UBE2D2: variants seen among roughly 807,000 people sequenced by gnomAD.
UBE2D2 encodes ubiquitin-conjugating enzyme E2 D2.
UBE2D2 carries 2 observed loss-of-function variants against 24.2 expected under a neutral mutation model. That is an observed-to-expected ratio of 0.08 (90% CI 0.03 to 0.26). The LOEUF (loss-of-function observed/expected upper bound fraction) is 0.26. Ranked by LOEUF, UBE2D2 falls within the 10% of genes least tolerant of loss-of-function variation. The pLI, the probability that UBE2D2 is intolerant of heterozygous loss-of-function variation, is 1.00. For synonymous variants in UBE2D2, 58 were observed against 56.5 expected (o/e 1.03, Z -0.12); for missense variants, 44 against 177.6 (o/e 0.25, Z 4.28).
chr5:139,536,835 A>G (rs1752687472), intron 1 of UBE2D2, among the ~76,000 whole-genome samples: 1 of 152,064 alleles, frequency 6.6e-6, no homozygotes, highest in Non-Finnish European at 1.5e-5. Context: ...CCAAGATATC[A>G]TTTCATCTGT....
At chr5:139,621,072 C>A (rs1463982637) in intron 5 of UBE2D2, among the ~76,000 whole-genome samples, 9 of 152,130 alleles carry the variant, frequency 5.9e-5, no homozygotes, top group Admixed American at 5.9e-4. Flanking sequence ...TGGCAAAACC[C>A]AACCTCTACA....
intron 1 of UBE2D2, among the ~76,000 whole-genome samples, chr5:139,580,612 A>G (rs1044152246): frequency 2.0e-5 from 3 of 151,902 alleles, no homozygotes; most frequent in Non-Finnish European, 4.4e-5. Flanking sequence ...ACACCCGGCT[A>G]ATTTCTTGTA....
At chr5:139,595,081 C>G (rs998022557) in intron 1 of UBE2D2, among the ~76,000 whole-genome samples, 6 of 152,188 alleles carry the variant, frequency 3.9e-5, no homozygotes, top group Admixed American at 2.6e-4. Context: ...GTATTTGACC[C>G]ACAATTGGTG....
rs1178526305 is a variant in UBE2D2 at position 139,627,851 on chromosome 5, T to G, written c.*1050T>G. On this transcript the variant is annotated 3_prime_UTR_variant, in exon 7 of 7. Coordinates refer to ENST00000398733, the MANE Select transcript of UBE2D2 (RefSeq NM_003339.3). ...TAAAAAGGATATCTTACGAGTAATT[T>G]TATTGAACAAGTTAGAGGCATAAGC... is the stretch of plus-strand genomic sequence containing the variant. 1.3e-5 allele frequency: 2 copies of G among 152,676 alleles called. No homozygotes were observed. The highest frequency in any genetic ancestry group is 2.4e-5 in the African/African-American group (1 of 41,474). The allele number at this position is 152,676 out of a possible 1,614,324, so 9.5% of individuals were successfully genotyped here.
chr5:139,603,949 C>CA (rs954438317), intron 2 of UBE2D2, among the ~76,000 whole-genome samples: 6 of 151,320 alleles, frequency 4.0e-5, no homozygotes, highest in African/African-American at 7.3e-5. Flanking sequence ...AACTCCGTCT[C>CA]AAAAAAACAA....
At chr5:139,583,992 TAAG>T (rs1561510912) in intron 1 of UBE2D2, among the ~76,000 whole-genome samples, 1 of 152,112 alleles carries the variant, frequency 6.6e-6, no homozygotes, top group African/African-American at 2.4e-5. Context: ...AAAAAAATAA[TAAG>T]TTTATTATAG....
intron 1 of UBE2D2, among the ~76,000 whole-genome samples, chr5:139,546,530 T>C (rs1338828346): frequency 6.6e-6 from 1 of 151,818 alleles, no homozygotes; most frequent in African/African-American, 2.4e-5. Context: ...TCACCCAGCC[T>C]GGAGTACAGT....
chr5:139,555,367 GA>G (rs1752967045), intron 1 of UBE2D2, among the ~76,000 whole-genome samples: 1 of 151,784 alleles, frequency 6.6e-6, no homozygotes, highest in African/African-American at 2.4e-5. Flanking sequence ...GATGATTAAT[GA>G]ATTCCAAATA....
intron 1 of UBE2D2, among the ~76,000 whole-genome samples, chr5:139,566,031 CTT>C (rs397882200): frequency 2.1e-4 from 29 of 139,222 alleles, no homozygotes; most frequent in Non-Finnish European, 2.7e-4. Flanking sequence ...TTTTTTCTTT[CTT>C]TTTTTTTTTT....
intron 1 of UBE2D2, among the ~76,000 whole-genome samples, chr5:139,598,919 C>CTTTTTTT (rs36027909): frequency 1.3e-5 from 1 of 76,208 alleles, no homozygotes; most frequent in Non-Finnish European, 2.3e-5. Context: ...AAATATATTC[C>CTTTTTTT]TTTTTTTTTT....
At chr5:139,541,133 A>G (rs187542754) in intron 1 of UBE2D2, among the ~76,000 whole-genome samples, 2 of 151,988 alleles carry the variant, frequency 1.3e-5, no homozygotes, top group East Asian at 3.9e-4. Flanking sequence ...CACTGTCTCT[A>G]CTAAAAATAC....
chr5:139,553,703 T>G (rs1176201364), intron 1 of UBE2D2, among the ~76,000 whole-genome samples: 1 of 152,154 alleles, frequency 6.6e-6, no homozygotes, highest in African/African-American at 2.4e-5. Context: ...CTTTAAAAAT[T>G]TATAATATTG....
At chr5:139,537,423 G>A (rs181300300) in intron 1 of UBE2D2, among the ~76,000 whole-genome samples, 298 of 152,030 alleles carry the variant, frequency 2.0e-3, no homozygotes, top group Non-Finnish European at 3.2e-3. Context: ...CGATTCAATC[G>A]ATTTTAGTAT....
At chr5:139,564,300 C>T (rs1335217415) in intron 1 of UBE2D2, among the ~76,000 whole-genome samples, 2 of 151,920 alleles carry the variant, frequency 1.3e-5, no homozygotes, top group South Asian at 2.1e-4. Context: ...ATTACAGGCA[C>T]GCACCACCAC....
chr5:139,556,488 G>T (rs1233189550), upstream of UBE2D2, among the ~76,000 whole-genome samples: 2 of 151,800 alleles, frequency 1.3e-5, no homozygotes, highest in African/African-American at 2.4e-5. Flanking sequence ...AATAACAGAA[G>T]AAATCAATAA....
chr5:139,583,974 A>G (rs886710373), intron 1 of UBE2D2, among the ~76,000 whole-genome samples: 3 of 152,108 alleles, frequency 2.0e-5, no homozygotes, highest in Non-Finnish European at 4.4e-5. Flanking sequence ...TTTTTGAAAA[A>G]GTAAATTAAA....
rs1225220730 is a variant in UBE2D2 at position 139,600,442 on chromosome 5, A to G, written c.88+7A>G. The stretch of plus-strand genomic sequence containing the variant: ...GGTCCTGTTGGAGATGATAGTAAGT[A>G]TTTAAAAGGAATAATGGAGTAATAG... On this transcript the variant is annotated splice_region_variant and intron_variant, in intron 2 of 6. Transcript: ENST00000398733. 3 of 1,613,720 alleles carry G rather than the reference A, an allele frequency of 1.9e-6. No homozygotes were observed. The African/African-American group carries it at 4.0e-5, about 22-fold the overall frequency.
intron 1 of UBE2D2, among the ~76,000 whole-genome samples, chr5:139,579,242 G>C (rs1011005284): frequency 1.3e-5 from 2 of 152,246 alleles, no homozygotes; most frequent in East Asian, 3.9e-4. Flanking sequence ...CTGCCTCCCC[G>C]GTTCAAGCAA....
chr5:139,557,701 C>T (rs1046187765), upstream of UBE2D2, among the ~76,000 whole-genome samples: 10 of 152,148 alleles, frequency 6.6e-5, no homozygotes, highest in South Asian at 4.1e-4. Flanking sequence ...GAGCCGAGAT[C>T]GCACCACTGC....
Sources: allele counts gnomAD v4.1 joint callset (sites outside exome capture counted in the v4.1 genomes callset), GRCh38; gene constraint gnomAD v4.1.1; transcripts MANE v1.5; gene names NCBI Gene and HGNC (gene_info 2026-07-23, HGNC 2026-07-21).